The following TRMT44 variants were observed in gnomAD, a reference collection of about 807,000 sequenced individuals.
TRMT44 encodes the protein tRNA methyltransferase 44 homolog.
Under a neutral mutation model 77.3 loss-of-function variants are expected in TRMT44, and 78 were observed. The observed-to-expected ratio is 1.01, with a 90% CI of 0.84 to 1.22. TRMT44 has a LOEUF of 1.22. TRMT44 is among the 50% of genes most tolerant of loss of function. TRMT44 has a pLI of 0.00. For synonymous variants in TRMT44, 391 were observed against 383.3 expected, an observed-to-expected ratio of 1.02 and a Z score of -0.23; for missense variants, 1,090 against 964.4, an observed-to-expected ratio of 1.13 and a Z score of -1.73.
At chr4:8,457,031 A>G (rs116813349) in intron 6 of TRMT44, among the ~76,000 whole-genome samples, 13,308 of 73,888 alleles carry the variant, frequency 0.18, 1,154 homozygotes, top group African/African-American at 0.38. Flanking sequence ...CCCCCCCCCA[A>G]CTATCTCTAC....
chr4:8,456,260 C>T (rs1302558230), intron 6 of TRMT44, among the ~76,000 whole-genome samples: 1 of 152,190 alleles, frequency 6.6e-6, no homozygotes, highest in African/African-American at 2.4e-5. Context: ...ACACCGATCA[C>T]CTCTGTGGCA....
At chr4:8,498,491 G>T (rs573596952), downstream of TRMT44, among the ~76,000 whole-genome samples, 203 of 152,342 alleles carry the variant, frequency 1.3e-3, 1 homozygote, top group African/African-American at 4.7e-3. This position sits in a 1 kb window ranked among gnomAD's most constrained non-coding sequence, Gnocchi z 4.3. Context: ...AATCATGGCG[G>T]AAGGCAAAGG....
At chr4:8,511,226 C>T in the TRMT44 span, among the ~76,000 whole-genome samples, 1 of 152,168 alleles carries the variant, frequency 6.6e-6, no homozygotes, top group South Asian at 2.1e-4. Context: ...GTATGTGAGC[C>T]CGTTCCTGAA....
At chr4:8,490,402 G>A (rs1366570759) in intron 2 of TRMT44, among the ~76,000 whole-genome samples, 3 of 152,044 alleles carry the variant, frequency 2.0e-5, no homozygotes. Context: ...TGGATTCGTG[G>A]TCTCGCTGGC....
Position 8,476,203 on chromosome 4 carries a change from G to A in TRMT44, c.*202G>A, listed in dbSNP as rs1727373953. 2 of 602,736 alleles carry A rather than the reference G, an allele frequency of 3.3e-6. No homozygotes were observed. Among genetic ancestry groups the A allele is most frequent in the African/African-American group, 3.7e-5 (2 of 54,052 alleles). 37.3% of individuals were successfully genotyped at this position (602,736 alleles called of 1,614,324 possible). A position where few individuals can be genotyped will look rare whatever the true frequency, so the allele number is the denominator to read the frequency against. On this transcript the variant is annotated 3_prime_UTR_variant, in exon 11 of 11. Transcript: ENST00000389737. ...CACAGTTACTCGGAAGCCCCCAGCT[G>A]ACTGCCTGGCTTGTTTCAGATGCAG...
Position 8,475,854 on chromosome 4 carries a change from G to T in TRMT44, c.2127G>T (p.Leu709=). Residue 709 remains leucine, a synonymous_variant, in exon 11 of 11, where the codon CTG becomes CTT. Coordinates refer to ENST00000389737, the MANE Select transcript of TRMT44 (RefSeq NM_152544.3). The part of the protein sequence containing the change: ...KTKQPEAKQR[L]LSEACKTRLC... ...AGCAACCGGAAGCGAAACAGAGACT[G>T]CTCTCTGAAGCCTGCAAAACCCGCC... The T allele has an allele frequency of 1.2e-6, 2 of 1,614,218 alleles. No homozygotes were observed. Among genetic ancestry groups the T allele is most frequent in the Non-Finnish European group, 1.7e-6 (2 of 1,180,044 alleles).
rs369446933 is a variant in TRMT44, at chr4:8,487,932, G to A, written n.3892-5334G>A. ...AAGGGAAGGCTGCCTTCCCTAGTCT[G>A]TGACCGGCGCCGGAGTTTTGGATCC... is the stretch of plus-strand genomic sequence containing the variant. On this transcript the variant is annotated intron_variant and non_coding_transcript_variant, in intron 2 of 2. Coordinates refer to the TRMT44 transcript ENST00000511366. Among the ~76,000 whole-genome samples, 6 of 152,288 alleles carry A rather than the reference G, an allele frequency of 3.9e-5. No individual in the cohort carries two copies. In the East Asian group the frequency reaches 9.7e-4, roughly 25 times the overall value.
the TRMT44 span, among the ~76,000 whole-genome samples, chr4:8,508,240 G>C: frequency 6.6e-6 from 1 of 152,238 alleles, no homozygotes; most frequent in Non-Finnish European, 1.5e-5. Context: ...TCAGGTTTCT[G>C]TGTGGGGTCC....
At chr4:8,474,356 T>G (rs897669137) in intron 10 of TRMT44, among the ~76,000 whole-genome samples, 1 of 152,098 alleles carries the variant, frequency 6.6e-6, no homozygotes, top group African/African-American at 2.4e-5. Flanking sequence ...GGGACTGCCT[T>G]AACAGGAGAC....
At chr4:8,491,730 C>T (rs1577070057) in intron 2 of TRMT44, among the ~76,000 whole-genome samples, 3 of 152,256 alleles carry the variant, frequency 2.0e-5, no homozygotes, top group South Asian at 4.1e-4. Flanking sequence ...CCCACGCCCA[C>T]CCGGAACTCC....
At chr4:8,462,645 C>CAGT (rs1287716510) in intron 6 of TRMT44, among the ~76,000 whole-genome samples, 4 of 152,182 alleles carry the variant, frequency 2.6e-5, no homozygotes, top group African/African-American at 9.7e-5. Context: ...GCGGAGGTTG[C>CAGT]AGTGAGCCGA....
At chr4:8,460,711 T>C (rs1726097938) in intron 6 of TRMT44, among the ~76,000 whole-genome samples, 1 of 152,018 alleles carries the variant, frequency 6.6e-6, no homozygotes, top group Non-Finnish European at 1.5e-5. Flanking sequence ...GCACCACCAC[T>C]ACGCCTGACT....
chr4:8,444,023 T>C lies in TRMT44; in HGVS notation c.620-2453T>C, dbSNP rs73211357. ...GTTAGTAGCAGGTGACAGGATGACATAGTGGTTAAGAACTTGACTTCTTTA... is the reference window on the plus strand; with the variant it reads ...GTTAGTAGCAGGTGACAGGATGACACAGTGGTTAAGAACTTGACTTCTTTA... On this transcript the variant is annotated intron_variant, in intron 1 of 10. Transcript: ENST00000389737. The surrounding 1 kb of genome is among the most constrained non-coding windows in gnomAD (Gnocchi z 4.0). Among the ~76,000 whole-genome samples the C allele has an allele frequency of 0.013, 1,948 of 151,598 alleles. 13 individuals carry two copies. Among genetic ancestry groups the C allele is most frequent in the South Asian group, 0.033 (160 of 4,790 alleles).
rs554411515 is a variant in TRMT44, at chr4:8,451,927, A to T, written c.955-33A>T. The stretch of plus-strand genomic sequence containing the variant: ...TTGGGAAATGGTGGTGGGGAAACCG[A>T]ACAATTTATGTTTGCTCTTGAAACT... On this transcript the variant is annotated intron_variant, in intron 3 of 10. Coordinates refer to ENST00000389737, the MANE Select transcript of TRMT44 (RefSeq NM_152544.3). The surrounding 1 kb of genome is among the most constrained non-coding windows in gnomAD (Gnocchi z 4.1). 87 of 1,534,398 alleles carry T rather than the reference A, an allele frequency of 5.7e-5. No individual in the cohort carries two copies. In the African/African-American group the frequency reaches 1.1e-3, roughly 20 times the overall value.
intron 2 of TRMT44, among the ~76,000 whole-genome samples, chr4:8,488,583 CATCAGTT>C (rs1727892935): frequency 6.6e-6 from 1 of 152,146 alleles, no homozygotes; most frequent in Non-Finnish European, 1.5e-5. Context: ...GGTGGAATGT[CATCAGTT>C]AAGGTGGGGC....
At chr4:8,466,400 G>A (rs573115424) in intron 8 of TRMT44, among the ~76,000 whole-genome samples, 1 of 152,220 alleles carries the variant, frequency 6.6e-6, no homozygotes, top group Non-Finnish European at 1.5e-5. Context: ...GTGGGGGCTG[G>A]ACAGGATGAT....
chr4:8,503,641 G>C, the TRMT44 span, among the ~76,000 whole-genome samples: 3 of 152,204 alleles, frequency 2.0e-5, no homozygotes, highest in Non-Finnish European at 4.4e-5. Context: ...TTTCCACCCC[G>C]ATGCCCACAC....
At chr4:8,465,316 G>A (rs1302178857) in intron 7 of TRMT44, 62 bp from the exon 8 acceptor site, 16 of 1,510,166 alleles carry the variant, frequency 1.1e-5, no homozygotes, top group South Asian at 1.3e-5. Flanking sequence ...GCTTTGTTCC[G>A]AATTTCCTTG....
intron 5 of TRMT44, among the ~76,000 whole-genome samples, chr4:8,453,215 C>A (rs980303247): frequency 2.6e-5 from 4 of 152,260 alleles, no homozygotes; most frequent in African/African-American, 7.2e-5. Flanking sequence ...GTCCCCGGGC[C>A]CCGGCATGGA....
Sources: allele counts gnomAD v4.1 joint callset (sites outside exome capture counted in the v4.1 genomes callset), GRCh38; gene constraint gnomAD v4.1.1; non-coding constraint Gnocchi (gnomAD v3.1); transcripts MANE v1.5; gene names NCBI Gene and HGNC (gene_info 2026-07-23, HGNC 2026-07-21).